DCDC1: variants seen among roughly 807,000 people sequenced by gnomAD.
DCDC1 encodes the protein doublecortin domain containing 1, also known as doublecortin domain-containing protein 1.
DCDC1 carries 200 observed loss-of-function variants against 178.3 expected under a neutral mutation model. The ratio of observed to expected loss-of-function variants is 1.12; its 90% CI spans 1.00 to 1.26. DCDC1 has a LOEUF of 1.26. Among genes scored for constraint, DCDC1 ranks in the 50% most tolerant of loss-of-function variants. DCDC1 has a pLI of 0.00. For synonymous variants in DCDC1, 690 were observed against 604.8 expected (o/e 1.14, Z -2.07); for missense variants, 1,983 against 1,749.2 (o/e 1.13, Z -2.38).
At chr11:31,343,913 C>G (rs1170318282) in intron 1 of DCDC1, among the ~76,000 whole-genome samples, 8 of 136,152 alleles carry the variant, frequency 5.9e-5, no homozygotes, top group Admixed American at 8.0e-5. Context: ...GAGTGAGACT[C>G]CATCTCAAAA....
chr11:31,030,960 C>T (rs1403523180), intron 20 of DCDC1, among the ~76,000 whole-genome samples: 1 of 151,992 alleles, frequency 6.6e-6, no homozygotes, highest in Non-Finnish European at 1.5e-5. Flanking sequence ...TTCTTATAAG[C>T]TTAAGGAAAA....
At chr11:30,983,697 T>C (rs1340173512) in intron 20 of DCDC1, among the ~76,000 whole-genome samples, 4 of 152,206 alleles carry the variant, frequency 2.6e-5, no homozygotes, top group African/African-American at 9.6e-5. Flanking sequence ...CTAAGTTCAA[T>C]TTGCTATTTT....
chr11:31,299,539 C>T (rs940027535), intron 6 of DCDC1, among the ~76,000 whole-genome samples: 2 of 152,244 alleles, frequency 1.3e-5, no homozygotes, highest in Admixed American at 1.3e-4. Context: ...TTGACCTACA[C>T]CCTAGATATT....
In DCDC1 at chr11:30,920,831, CT is replaced by C; in HGVS notation, c.3237del (p.Glu1080LysfsTer9). 1 of 1,613,674 alleles carries C rather than the reference CT, an allele frequency of 6.2e-7. No homozygotes were observed. Among genetic ancestry groups the C allele is most frequent in the Non-Finnish European group, 8.5e-7 (1 of 1,179,762 alleles). ...AGAGGATCTTCTTGCATTTGCTTTT[CT>C]TCCGGTTCTGTAACTTGCTTCTCTT... ...FGEEKQVTEPEEKQMQEDPLT... is the reference protein window; with the variant it reads ...FGEEKQVTEPXEKQMQEDPLT... On this transcript the variant is annotated frameshift_variant, in exon 25 of 39. Coordinates refer to ENST00000684477, the MANE Select transcript of DCDC1 (RefSeq NM_001387274.1). LOFTEE classifies it high-confidence loss of function.
intron 13 of DCDC1, 134 bp downstream of exon 13, chr11:31,106,663 A>G: frequency 1.5e-6 from 1 of 658,084 alleles, no homozygotes; most frequent in Non-Finnish European, 2.7e-6. Flanking sequence ...CCTTGCAAAA[A>G]CACCTCTAAA....
chr11:30,925,443 C>G, intron 22 of DCDC1, 35 bp from the exon 23 acceptor site: 1 of 1,575,164 alleles, frequency 6.3e-7, no homozygotes. Context: ...ACCTTGCATA[C>G]AGAAAGCTTC....
intron 20 of DCDC1, among the ~76,000 whole-genome samples, chr11:31,031,739 A>C (rs1953665870): frequency 6.6e-6 from 1 of 152,154 alleles, no homozygotes; most frequent in Non-Finnish European, 1.5e-5. Flanking sequence ...GGTTCTTATG[A>C]AATGAAAAAG....
chr11:31,348,736 T>C (rs111561189), intron 1 of DCDC1, among the ~76,000 whole-genome samples: 3 of 152,248 alleles, frequency 2.0e-5, no homozygotes, highest in African/African-American at 4.8e-5. Flanking sequence ...CTAGGAGACA[T>C]GGAGATCTCA....
At chr11:31,125,590 C>A (rs1181586973) in intron 11 of DCDC1, among the ~76,000 whole-genome samples, 1 of 152,140 alleles carries the variant, frequency 6.6e-6, no homozygotes, top group Non-Finnish European at 1.5e-5. Context: ...GAATACTATG[C>A]AGCCATGAAA....
At chr11:31,232,322 T>C (rs890660088) in intron 9 of DCDC1, among the ~76,000 whole-genome samples, 2 of 152,196 alleles carry the variant, frequency 1.3e-5, no homozygotes, top group Non-Finnish European at 2.9e-5. Flanking sequence ...ATCTAAAATA[T>C]ACTTAACAGT....
chr11:31,295,889 A>G (rs548087003), intron 6 of DCDC1, among the ~76,000 whole-genome samples: 1 of 152,134 alleles, frequency 6.6e-6, no homozygotes, highest in African/African-American at 2.4e-5. Flanking sequence ...TCCATTTCCA[A>G]CCAGACCCAT....
At chr11:31,138,111 G>C (rs1031906802) in intron 9 of DCDC1, among the ~76,000 whole-genome samples, 2 of 152,012 alleles carry the variant, frequency 1.3e-5, no homozygotes, top group African/African-American at 4.8e-5. Context: ...AAAAAAATTA[G>C]GTTAATATTT....
rs7114232 is a variant in DCDC1, at chr11:31,258,027, G to C, written c.1054+7480C>G. ...ACTGGGGAATCACTTTTGAGGATAG[G>C]ACAATTATACAAAGAGTGCACATAA... On this transcript the variant is annotated intron_variant, in intron 8 of 38. Transcript: ENST00000684477. 2.4e-3 allele frequency among the ~76,000 whole-genome samples: 371 copies of C among 152,172 alleles called. 4 individuals are homozygous for C. The highest frequency in any genetic ancestry group is 8.5e-3 in the African/African-American group (353 of 41,504).
intron 21 of DCDC1, among the ~76,000 whole-genome samples, chr11:30,940,872 T>C (rs1947594563): frequency 6.6e-6 from 1 of 152,158 alleles, no homozygotes; most frequent in Non-Finnish European, 1.5e-5. Flanking sequence ...CATTTTAATA[T>C]AAGCATTTAA....
intron 8 of DCDC1, among the ~76,000 whole-genome samples, chr11:31,242,476 G>GA (rs1473653851): frequency 6.6e-6 from 1 of 151,852 alleles, no homozygotes; most frequent in Non-Finnish European, 1.5e-5. Context: ...TGGGAATCCA[G>GA]AAAAAGTAAA....
At chr11:31,192,026 T>C (rs1970188610) in intron 9 of DCDC1, among the ~76,000 whole-genome samples, 1 of 152,050 alleles carries the variant, frequency 6.6e-6, no homozygotes, top group Non-Finnish European at 1.5e-5. Flanking sequence ...CACAATCTTA[T>C]CATACAAACC....
At chr11:31,153,785 AACACACAC>A (rs141063677) in intron 9 of DCDC1, among the ~76,000 whole-genome samples, 4 of 132,696 alleles carry the variant, frequency 3.0e-5, no homozygotes, top group East Asian at 2.3e-4. Context: ...TCAGTCTTAA[AACACACAC>A]ACACACACAC....
chr11:31,213,212 GCTCTTCAGT>G (rs1482538190), intron 9 of DCDC1, among the ~76,000 whole-genome samples: 2 of 137,322 alleles, frequency 1.5e-5, no homozygotes, highest in African/African-American at 5.6e-5. Flanking sequence ...AAGGCATGTG[GCTCTTCAGT>G]CACTTCACCC....
chr11:31,357,717 G>A (rs966292403), intron 1 of DCDC1, among the ~76,000 whole-genome samples: 3 of 152,082 alleles, frequency 2.0e-5, no homozygotes, highest in Admixed American at 6.6e-5. Context: ...ATCTCCTTAA[G>A]CTGATAAGCA....
Sources: allele counts gnomAD v4.1 joint callset (sites outside exome capture counted in the v4.1 genomes callset), GRCh38; gene constraint gnomAD v4.1.1; transcripts MANE v1.5; gene names NCBI Gene and HGNC (gene_info 2026-07-23, HGNC 2026-07-21).